Variants in FBXO11 observed in about 807,000 individuals in gnomAD.
FBXO11 encodes the protein F-box only protein 11.
A neutral mutation model predicts 117.0 loss-of-function variants in FBXO11; 13 were observed. The observed-to-expected ratio is 0.11, with a 90% CI of 0.07 to 0.18. The LOEUF is 0.18. Ranked by LOEUF, FBXO11 falls within the 10% of genes least tolerant of loss-of-function variation. The pLI is 1.00. For synonymous variants in FBXO11, 490 were observed against 380.5 expected (o/e 1.29, Z -3.35); for missense variants, 767 against 1,164.4 (o/e 0.66, Z 4.97).
At chr2:47,850,859 A>G (rs1301783512) in intron 1 of FBXO11, among the ~76,000 whole-genome samples, 1 of 152,224 alleles carries the variant, frequency 6.6e-6, no homozygotes, top group Non-Finnish European at 1.5e-5. Flanking sequence ...GTCTCTCCCC[A>G]GAATGGAACA....
At chr2:47,840,565 C>G (rs1672940031) in intron 1 of FBXO11, among the ~76,000 whole-genome samples, 1 of 151,252 alleles carries the variant, frequency 6.6e-6, no homozygotes, top group Non-Finnish European at 1.5e-5. Context: ...ATCCTCCTGC[C>G]TCAGTATCCC....
chr2:47,815,224 T>C (rs185195923), intron 16 of FBXO11, among the ~76,000 whole-genome samples: 66 of 152,294 alleles, frequency 4.3e-4, no homozygotes, highest in African/African-American at 1.0e-3. Context: ...AGAAATGTGA[T>C]TGGACACAAA....
chr2:47,879,751 T>C (rs1302061716), intron 1 of FBXO11, among the ~76,000 whole-genome samples: 3 of 152,226 alleles, frequency 2.0e-5, no homozygotes, highest in Admixed American at 6.5e-5. Flanking sequence ...AAACTCTATA[T>C]CCACTGAACA....
At chr2:47,895,435 T>G (rs540282529) in intron 1 of FBXO11, among the ~76,000 whole-genome samples, 1 of 152,280 alleles carries the variant, frequency 6.6e-6, no homozygotes, top group East Asian at 1.9e-4. Context: ...TACATTTACA[T>G]AAAGTTAAGA....
At chr2:47,834,040 G>C (rs1051734849) in intron 7 of FBXO11, among the ~76,000 whole-genome samples, 4 of 152,166 alleles carry the variant, frequency 2.6e-5, no homozygotes, top group South Asian at 2.1e-4. Flanking sequence ...GGCAAATGGA[G>C]AAAGTACTAA....
intron 1 of FBXO11, among the ~76,000 whole-genome samples, chr2:47,894,459 C>T (rs1454815918): frequency 6.6e-6 from 1 of 152,040 alleles, no homozygotes; most frequent in Non-Finnish European, 1.5e-5. Context: ...AGTGGAGAAA[C>T]AAAATTACTT....
At chr2:47,887,782 G>C (rs1676973606) in intron 1 of FBXO11, among the ~76,000 whole-genome samples, 1 of 152,154 alleles carries the variant, frequency 6.6e-6, no homozygotes, top group Admixed American at 6.5e-5. Context: ...GATCACTTGA[G>C]CCTGGGAGGC....
At position 47,807,864 on chromosome 2, in the gene FBXO11, C is replaced by A; in HGVS notation, c.*254G>T. The A allele has an allele frequency of 2.8e-6, 1 of 352,054 alleles. No homozygotes were observed. The highest frequency in any genetic ancestry group is 5.2e-6 in the Non-Finnish European group (1 of 192,176). The allele number at this position is 352,054 out of a possible 1,614,324, so 21.8% of individuals were successfully genotyped here. On this transcript the variant is annotated 3_prime_UTR_variant, in exon 23 of 23. Transcript: ENST00000403359. ...AGAAGTTGGTATCTGTACAAAATTG[C>A]AGCTTATTTTCTTCACTTCTGTCCC...
chr2:47,840,380 G>A (rs567294226), intron 1 of FBXO11, among the ~76,000 whole-genome samples: 14 of 151,900 alleles, frequency 9.2e-5, no homozygotes, highest in East Asian at 3.9e-4. Flanking sequence ...GAAGAGGAAC[G>A]GCTCAATATA....
rs2104861077 is a variant in FBXO11, at chr2:47,839,490, G to C, written c.371C>G (p.Thr124Ser). 1.2e-6 allele frequency: 2 copies of C among 1,613,782 alleles called. No individual in the cohort carries two copies. The highest frequency in any genetic ancestry group is 1.3e-5 in the African/African-American group (1 of 75,046). The change falls in exon 3 of 23, where the codon ACT becomes AGT. Residue 124 changes from threonine to serine, a missense_variant. By Grantham distance (58) the Thr-to-Ser change is moderately conservative. Around this residue, in one of 10 missense-constraint regions of FBXO11, gnomAD observed 355 missense variants for 299.8 expected, o/e 1.18. Coordinates refer to ENST00000403359, the MANE Select transcript of FBXO11 (RefSeq NM_001190274.2). ...PTKNSMEGASTSTTENFGHRA... is the reference protein window; with the variant it reads ...PTKNSMEGASSSTTENFGHRA... ...ATGACCAAAGTTTTCTGTAGTTGAA[G>C]TTGAGGCGCCCTTCAAAAACAAAAC...
At chr2:47,840,683 G>A (rs1386609470) in intron 1 of FBXO11, among the ~76,000 whole-genome samples, 2 of 151,470 alleles carry the variant, frequency 1.3e-5, no homozygotes, top group African/African-American at 4.9e-5. Flanking sequence ...CAGACTCCTG[G>A]GTTCTAGCAA....
At chr2:47,834,448 T>G in intron 7 of FBXO11, 131 bp downstream of exon 7, 1 of 632,004 alleles carries the variant, frequency 1.6e-6, no homozygotes, top group Non-Finnish European at 2.6e-6. Flanking sequence ...TTAAAATATG[T>G]GTGATATCTT....
intron 1 of FBXO11, among the ~76,000 whole-genome samples, chr2:47,845,831 T>C (rs1198354928): frequency 6.6e-6 from 1 of 151,916 alleles, no homozygotes; most frequent in Non-Finnish European, 1.5e-5. Context: ...TTTTACTCAA[T>C]TCAGGGAGTT....
At chr2:47,899,084 C>G (rs1677898192) in intron 1 of FBXO11, among the ~76,000 whole-genome samples, 2 of 152,082 alleles carry the variant, frequency 1.3e-5, no homozygotes, top group Admixed American at 1.3e-4. Context: ...ACCATCCTGG[C>G]TAACATGGTG....
At chr2:47,885,278 G>A (rs1343019117) in intron 1 of FBXO11, among the ~76,000 whole-genome samples, 1 of 152,214 alleles carries the variant, frequency 6.6e-6, no homozygotes, top group Non-Finnish European at 1.5e-5. Context: ...AACTGCAGTA[G>A]TACGGCATAT....
Position 47,834,469 on chromosome 2 carries a change from T to G in FBXO11, c.934+110A>C, listed in dbSNP as rs987572292. ...TATGTGTGATATCTTCATTCCTACTTTACCAGCAGGATATTATAAAACTGG... is the reference window on the plus strand; with the variant it reads ...TATGTGTGATATCTTCATTCCTACTGTACCAGCAGGATATTATAAAACTGG... On this transcript the variant is annotated intron_variant, in intron 7 of 22. Transcript: ENST00000403359. 146 of 765,156 alleles carry G rather than the reference T, an allele frequency of 1.9e-4. 1 individual carries two copies. Among genetic ancestry groups the G allele is most frequent in the Non-Finnish European group, 2.4e-4 (119 of 495,606 alleles). 47.4% of individuals were successfully genotyped at this position (765,156 alleles called of 1,614,324 possible).
At chr2:47,857,183 C>G (rs1283917487) in intron 1 of FBXO11, among the ~76,000 whole-genome samples, 1 of 152,158 alleles carries the variant, frequency 6.6e-6, no homozygotes, top group Non-Finnish European at 1.5e-5. Flanking sequence ...TGTGGATTTA[C>G]TAGAGATTAT....
At chr2:47,859,223 T>C (rs964727192) in intron 1 of FBXO11, among the ~76,000 whole-genome samples, 2 of 152,108 alleles carry the variant, frequency 1.3e-5, no homozygotes, top group African/African-American at 4.8e-5. Flanking sequence ...TAGGATGCGA[T>C]GTATAAGCAG....
chr2:47,898,790 G>T lies in FBXO11; in HGVS notation c.232+6699C>A, dbSNP rs185656393. ...GATCTGCTTCAAGGGGCAGGTTATT[G>T]CATCCCCTGAAAGTTATACAAACAT... is the stretch of plus-strand genomic sequence containing the variant. On this transcript the variant is annotated intron_variant, in intron 1 of 22. Coordinates refer to ENST00000403359, the MANE Select transcript of FBXO11 (RefSeq NM_001190274.2). 3.9e-5 allele frequency among the ~76,000 whole-genome samples: 6 copies of T among 152,262 alleles called. No individual in the cohort carries two copies. The East Asian group carries it at 7.7e-4, about 20-fold the overall frequency.
Sources: allele counts gnomAD v4.1 joint callset (sites outside exome capture counted in the v4.1 genomes callset), GRCh38; gene constraint gnomAD v4.1.1; regional missense constraint gnomAD v4.1.1; transcripts MANE v1.5; gene names NCBI Gene and HGNC (gene_info 2026-07-23, HGNC 2026-07-21).